Variants in CD247 observed in about 807,000 individuals in gnomAD.
CD247 encodes T-cell surface glycoprotein CD3 zeta chain.
Under a neutral mutation model 30.0 loss-of-function variants are expected in CD247, and 13 were observed. The ratio of observed to expected loss-of-function variants is 0.43; its 90% CI spans 0.28 to 0.69. The LOEUF is 0.69. Ranked by LOEUF, CD247 falls within the 30% of genes least tolerant of loss-of-function variation. The pLI is 0.16. For missense variants in CD247, 193 were observed against 212.6 expected (o/e 0.91, Z 0.57); for synonymous variants, 72 against 80.0 (o/e 0.90, Z 0.53).
intron 1 of CD247, among the ~76,000 whole-genome samples, chr1:167,503,400 A>C (rs548018323): frequency 6.6e-6 from 1 of 152,314 alleles, no homozygotes; most frequent in East Asian, 1.9e-4. Context: ...GTCACTTAAT[A>C]GGTGTTCCCT....
intron 1 of CD247, among the ~76,000 whole-genome samples, chr1:167,449,149 C>CTTTTTTTTTTTTTTT (rs71097676): frequency 5.0e-4 from 33 of 66,404 alleles, no homozygotes; most frequent in East Asian, 1.4e-3. Context: ...TTTTTCTTTT[C>CTTTTTTTTTTTTTTT]TTTTTTTTTT....
Position 167,431,131 on chromosome 1 carries a change from C to G in CD247, c.*550G>C. ...GCCCGCCCACCTTCCCATGCCCCTG[C>G]AGCTCCCTGGTTGCACCTGGCCTAG... On this transcript the variant is annotated 3_prime_UTR_variant, in exon 8 of 8. Coordinates refer to ENST00000362089, the MANE Select transcript of CD247 (RefSeq NM_198053.3). 2 of 424,674 alleles carry G rather than the reference C, an allele frequency of 4.7e-6. No homozygotes were observed. Among genetic ancestry groups the G allele is most frequent in the Non-Finnish European group, 8.3e-6 (2 of 240,492 alleles). 26.3% of individuals were successfully genotyped at this position (424,674 alleles called of 1,614,324 possible). A position where few individuals can be genotyped will look rare whatever the true frequency, so the allele number is the denominator to read the frequency against.
chr1:167,467,886 T>C (rs780720229), intron 1 of CD247, among the ~76,000 whole-genome samples: 1 of 152,150 alleles, frequency 6.6e-6, no homozygotes, highest in Non-Finnish European at 1.5e-5. Flanking sequence ...AATAGAAGCA[T>C]GAGAGGCGTA....
Position 167,431,664 on chromosome 1 carries a change from G to C in CD247, c.*17C>G. The C allele has an allele frequency of 6.2e-7, 1 of 1,611,500 alleles. No homozygotes were observed. Among genetic ancestry groups the C allele is most frequent in the Non-Finnish European group, 8.5e-7 (1 of 1,177,538 alleles). Reference sequence around the variant, plus strand: ...CGTCTGCAGGTCTGGCCTTTGAGTGGTGAAATCCCCTGGCTGTTAGCGAGG... The same window carrying C: ...CGTCTGCAGGTCTGGCCTTTGAGTGCTGAAATCCCCTGGCTGTTAGCGAGG... On this transcript the variant is annotated 3_prime_UTR_variant, in exon 8 of 8. Transcript: ENST00000362089.
At chr1:167,493,915 A>G (rs1654562410) in intron 1 of CD247, among the ~76,000 whole-genome samples, 1 of 152,182 alleles carries the variant, frequency 6.6e-6, no homozygotes, top group Non-Finnish European at 1.5e-5. Context: ...TCAGGCACAG[A>G]ATCAGCAAAA....
At chr1:167,510,274 C>T (rs1011508081) in intron 1 of CD247, among the ~76,000 whole-genome samples, 4 of 152,228 alleles carry the variant, frequency 2.6e-5, no homozygotes, top group Non-Finnish European at 5.9e-5. Context: ...GTGCACCACA[C>T]ACACCAACAC....
In CD247 at chr1:167,494,929, C is replaced by T. The variant is rs1266136877; in HGVS notation, c.58+23479G>A. On this transcript the variant is annotated intron_variant, in intron 1 of 7. Coordinates refer to ENST00000362089, the MANE Select transcript of CD247 (RefSeq NM_198053.3). The surrounding 1 kb of genome is among the most constrained non-coding windows in gnomAD (Gnocchi z 7.3). The stretch of plus-strand genomic sequence containing the variant: ...AGAGAGCCCAGGTGACTTGCCTTGG[C>T]TGGGCTGGACTCTGTTCTCTCCCCA... Among the ~76,000 whole-genome samples the T allele has an allele frequency of 2.0e-5, 3 of 152,172 alleles. No individual in the cohort carries two copies. The highest frequency in any genetic ancestry group is 4.4e-5 in the Non-Finnish European group (3 of 68,032).
At chr1:167,438,748 T>A in intron 3 of CD247, 98 bp from the exon 4 acceptor site, 12 of 918,410 alleles carry the variant, frequency 1.3e-5, no homozygotes, top group African/African-American at 3.3e-5. Context: ...CTGGGGTGGC[T>A]CATAAAAAGA....
intron 4 of CD247, among the ~76,000 whole-genome samples, chr1:167,437,730 G>C (rs762195132): frequency 3.3e-5 from 5 of 152,202 alleles, no homozygotes; most frequent in Non-Finnish European, 7.3e-5. Flanking sequence ...GGGGAATGGG[G>C]AGATGATAGT....
intron 1 of CD247, among the ~76,000 whole-genome samples, chr1:167,447,787 G>A (rs144695177): frequency 3.3e-4 from 51 of 152,294 alleles, no homozygotes; most frequent in Non-Finnish European, 6.5e-4. Flanking sequence ...ATCCAGGTAG[G>A]AGTGGCCAGC....
At chr1:167,447,721 G>A (rs1210186860) in intron 1 of CD247, among the ~76,000 whole-genome samples, 1 of 152,082 alleles carries the variant, frequency 6.6e-6, no homozygotes, top group African/African-American at 2.4e-5. Context: ...TTGGTACCTG[G>A]TAAGCGCTCA....
intron 1 of CD247, among the ~76,000 whole-genome samples, chr1:167,514,040 C>A (rs899943368): frequency 1.4e-4 from 22 of 152,214 alleles, no homozygotes; most frequent in African/African-American, 4.8e-4. Flanking sequence ...AATATACCCA[C>A]CAAATAAACC....
chr1:167,498,870 A>C (rs1189708396), intron 1 of CD247, among the ~76,000 whole-genome samples: 1 of 152,204 alleles, frequency 6.6e-6, no homozygotes, highest in Non-Finnish European at 1.5e-5. Flanking sequence ...AACCAGGGAC[A>C]CCCAGAGTCA....
intron 1 of CD247, among the ~76,000 whole-genome samples, chr1:167,477,151 C>T (rs1465714238): frequency 6.6e-6 from 1 of 152,152 alleles, no homozygotes; most frequent in African/African-American, 2.4e-5. Context: ...AGAGGGGTGA[C>T]AAATTAAACC....
intron 1 of CD247, among the ~76,000 whole-genome samples, chr1:167,466,861 A>G (rs1403368118): frequency 7.1e-6 from 1 of 141,404 alleles, no homozygotes; most frequent in African/African-American, 3.0e-5. Context: ...TTTTTTTGAG[A>G]CGAAGTCTCG....
rs186833442 is a variant in CD247, at chr1:167,507,210, C to G, written c.58+11198G>C. ...CTGAGATTACAGGTGTAAGCCACCA[C>G]GCCTGGCCTGAATTTTTTTTTTTTT... On this transcript the variant is annotated intron_variant, in intron 1 of 7. Transcript: ENST00000362089. 8.7e-3 allele frequency among the ~76,000 whole-genome samples: 1,315 copies of G among 151,626 alleles called. 6 individuals carry two copies. The highest frequency in any genetic ancestry group is 0.014 in the Middle Eastern group (4 of 290).
intron 1 of CD247, among the ~76,000 whole-genome samples, chr1:167,470,204 A>G (rs546921669): frequency 2.0e-4 from 30 of 152,258 alleles, no homozygotes; most frequent in African/African-American, 7.0e-4. Flanking sequence ...ATGAGCCACC[A>G]TGCCTGGCCT....
intron 1 of CD247, among the ~76,000 whole-genome samples, chr1:167,443,279 G>A (rs547692390): frequency 2.0e-5 from 3 of 152,324 alleles, no homozygotes; most frequent in East Asian, 3.9e-4. Flanking sequence ...GCAGGGCACA[G>A]GGTAGACAAT....
chr1:167,514,222 C>T (rs936559553), intron 1 of CD247, among the ~76,000 whole-genome samples: 16 of 152,016 alleles, frequency 1.1e-4, no homozygotes, highest in African/African-American at 2.2e-4. Context: ...CTGCAACCTC[C>T]GCCTCCCGGG....
Sources: gnomAD v4.1 joint callset for allele counts (sites outside exome capture counted in the v4.1 genomes callset) on GRCh38, gnomAD v4.1.1 for gene constraint, Gnocchi (gnomAD v3.1) non-coding constraint, MANE v1.5 for transcripts, NCBI Gene and HGNC (gene_info 2026-07-23, HGNC 2026-07-21) for gene names.